Variants in DAB1 observed in about 807,000 individuals in gnomAD.
DAB1 encodes DAB adaptor protein 1.
A neutral mutation model predicts 64.6 loss-of-function variants in DAB1; 15 were observed. The ratio of observed to expected loss-of-function variants is 0.23; its 90% confidence interval spans 0.16 to 0.36. DAB1 has a LOEUF of 0.36. Ranked by LOEUF, DAB1 falls within the 10% of genes least tolerant of loss-of-function variation. DAB1 has a pLI of 1.00. For missense variants in DAB1, 596 were observed against 706.7 expected, an observed-to-expected ratio of 0.84 and a Z score of 1.78; for synonymous variants, 235 against 251.9, an observed-to-expected ratio of 0.93 and a Z score of 0.64.
At chr1:57,098,714 A>G (rs1273385454) in intron 4 of DAB1, among the ~76,000 whole-genome samples, 1 of 152,234 alleles carries the variant, frequency 6.6e-6, no homozygotes, top group Non-Finnish European at 1.5e-5. Context: ...CTATGAAGCA[A>G]TGATGGGGCC....
chr1:57,210,880 A>G (rs746596168), intron 2 of DAB1, among the ~76,000 whole-genome samples: 1 of 152,246 alleles, frequency 6.6e-6, no homozygotes, highest in Non-Finnish European at 1.5e-5. Context: ...GAATACATCC[A>G]TACACAAATA....
chr1:58,086,108 C>T (rs1468439325), intron 5 of DAB1, among the ~76,000 whole-genome samples: 7 of 150,170 alleles, frequency 4.7e-5, no homozygotes, highest in Admixed American at 2.6e-4. Context: ...GGACTACAGG[C>T]GCCCGCCACT....
chr1:57,065,746 A>C (rs1429332510), intron 8 of DAB1, among the ~76,000 whole-genome samples: 1 of 152,208 alleles, frequency 6.6e-6, no homozygotes, highest in Admixed American at 6.5e-5. Context: ...GGTAGTTCCA[A>C]ATCCTGGGTC....
chr1:57,186,731 T>C (rs1007565762), intron 2 of DAB1, among the ~76,000 whole-genome samples: 1 of 152,218 alleles, frequency 6.6e-6, no homozygotes, highest in Non-Finnish European at 1.5e-5. Context: ...ACTTCAAGAA[T>C]TTTATAATTA....
chr1:58,139,788 G>A (rs1287551276), intron 5 of DAB1, among the ~76,000 whole-genome samples: 1 of 152,166 alleles, frequency 6.6e-6, no homozygotes, highest in African/African-American at 2.4e-5. Flanking sequence ...TTGGGCAAAT[G>A]ACTTAATTGC....
rs1199328123 is a variant in DAB1 at position 58,300,636 on chromosome 1, G to A, written n.309+42716C>T. On this transcript the variant is annotated intron_variant and non_coding_transcript_variant, in intron 4 of 20. Coordinates refer to the DAB1 transcript ENST00000485760. ...AGAGAGAGAGAGAGAGAGAGAGAGA[G>A]AGAGAGAGAGAGGAAGGAAGGAAGG... Among the ~76,000 whole-genome samples the A allele has an allele frequency of 5.1e-3, 303 of 59,136 alleles. 12 individuals are homozygous for A. Among genetic ancestry groups the A allele is most frequent in the East Asian group, 0.015 (24 of 1,572 alleles). 38.8% of individuals were successfully genotyped at this position (59,136 alleles called of 152,430 possible).
At chr1:58,281,548 C>G (rs1661564431) in intron 4 of DAB1, among the ~76,000 whole-genome samples, 1 of 152,142 alleles carries the variant, frequency 6.6e-6, no homozygotes, top group Non-Finnish European at 1.5e-5. Context: ...CTCCAATCCA[C>G]TCTACCTCCT....
rs1476882774 is a variant in DAB1 at position 57,662,963 on chromosome 1, T to C, written n.552-13298A>G. ...ATACTGAATTCAACCCACCTAAGCA[T>C]TTGAAGAAAATTTCACTTTCTCTTA... On this transcript the variant is annotated intron_variant and non_coding_transcript_variant, in intron 6 of 20. Transcript: ENST00000485760. Among the ~76,000 whole-genome samples, 4 of 152,210 alleles carry C rather than the reference T, an allele frequency of 2.6e-5. No individual in the cohort carries two copies. The South Asian group carries it at 8.3e-4, about 32-fold the overall frequency.
chr1:57,400,586 A>G (rs1373039289), intron 1 of DAB1, among the ~76,000 whole-genome samples: 11 of 149,462 alleles, frequency 7.4e-5, no homozygotes, highest in Non-Finnish European at 1.5e-4. Context: ...CAGAAAAAGT[A>G]TTTTTCACAT....
chr1:57,080,774 A>ACC (rs1553138595), intron 4 of DAB1, among the ~76,000 whole-genome samples: 34 of 151,862 alleles, frequency 2.2e-4, no homozygotes, highest in Admixed American at 2.0e-3. Context: ...ACACACACAC[A>ACC]CCTTAAATAA....
chr1:57,790,351 T>A lies in DAB1; in HGVS notation n.551+93648A>T, dbSNP rs182874094. On this transcript the variant is annotated intron_variant and non_coding_transcript_variant, in intron 6 of 20. Transcript: ENST00000485760. ...TCTGTACTTCTCCTTGTTGCTGCCA[T>A]GTGAAGAAGGACATGTTTGCTTCCC... is the stretch of plus-strand genomic sequence containing the variant. 7.2e-5 allele frequency among the ~76,000 whole-genome samples: 11 copies of A among 152,292 alleles called. No individual in the cohort carries two copies. The East Asian group carries it at 2.1e-3, about 29-fold the overall frequency.
At chr1:57,096,373 T>C (rs1654164960) in intron 4 of DAB1, among the ~76,000 whole-genome samples, 1 of 152,140 alleles carries the variant, frequency 6.6e-6, no homozygotes, top group Non-Finnish European at 1.5e-5. Flanking sequence ...AGTCCAATAA[T>C]AGATATCTCC....
chr1:57,974,268 A>T (rs1391538387), intron 5 of DAB1, among the ~76,000 whole-genome samples: 1 of 151,834 alleles, frequency 6.6e-6, no homozygotes, highest in Non-Finnish European at 1.5e-5. Context: ...TCATTACCCC[A>T]TTTTATTTTC....
chr1:57,214,926 A>AAAG (rs1666308821), intron 2 of DAB1, among the ~76,000 whole-genome samples: 1 of 150,558 alleles, frequency 6.6e-6, no homozygotes, highest in Non-Finnish European at 1.5e-5. Context: ...AAAAAAAAAA[A>AAAG]AAAAGAAAGA....
intron 3 of DAB1, among the ~76,000 whole-genome samples, chr1:58,364,461 CA>C (rs1272720149): frequency 6.6e-6 from 1 of 152,198 alleles, no homozygotes; most frequent in Non-Finnish European, 1.5e-5. Context: ...GTCCGAATCC[CA>C]GCATAGCAGA....
At chr1:58,493,204 C>T (rs1645731318) in intron 3 of DAB1, among the ~76,000 whole-genome samples, 1 of 152,002 alleles carries the variant, frequency 6.6e-6, no homozygotes, top group African/African-American at 2.4e-5. Flanking sequence ...AGGCCTTTGA[C>T]AAAATTCAAC....
chr1:57,188,238 G>T (rs1663788291), intron 2 of DAB1, among the ~76,000 whole-genome samples: 1 of 152,130 alleles, frequency 6.6e-6, no homozygotes, highest in African/African-American at 2.4e-5. Flanking sequence ...CTCCAGGCAA[G>T]TTGTCCCATT....
chr1:57,105,816 A>G (rs766763914), intron 4 of DAB1, among the ~76,000 whole-genome samples: 11 of 151,810 alleles, frequency 7.2e-5, no homozygotes, highest in Non-Finnish European at 1.5e-4. Context: ...TCATGTTCTA[A>G]TTTTATGAAT....
At chr1:57,378,127 T>A (rs2100960161) in intron 1 of DAB1, among the ~76,000 whole-genome samples, 1 of 152,218 alleles carries the variant, frequency 6.6e-6, no homozygotes, top group East Asian at 1.9e-4. Flanking sequence ...TTCTCAGAGC[T>A]CAGAGCAGGA....
Sources: gnomAD v4.1 joint callset for allele counts (sites outside exome capture counted in the v4.1 genomes callset) on GRCh38, gnomAD v4.1.1 for gene constraint, MANE v1.5 for transcripts, NCBI Gene and HGNC (gene_info 2026-07-23, HGNC 2026-07-21) for gene names.